LYPD6B: variants seen among roughly 807,000 people sequenced by gnomAD.
The protein encoded by LYPD6B is LY6/PLAUR domain containing 6B.
Under a neutral mutation model 22.8 loss-of-function variants are expected in LYPD6B, and 17 were observed. That is an observed-to-expected ratio of 0.75 (90% CI 0.51 to 1.12). The LOEUF (loss-of-function observed/expected upper bound fraction) is 1.12. Among genes scored for constraint, LYPD6B ranks in the 50% most tolerant of loss-of-function variants. The pLI, the probability that LYPD6B is intolerant of heterozygous loss-of-function variation, is 0.00. For missense variants in LYPD6B, 221 were observed against 258.3 expected, an observed-to-expected ratio of 0.86 and a Z score of 0.99; for synonymous variants, 106 against 91.6, an observed-to-expected ratio of 1.16 and a Z score of -0.90.
chr2:149,214,445 C>T, intron 6 of LYPD6B, 101 bp from the exon 7 acceptor site: 6 of 1,268,220 alleles, frequency 4.7e-6, no homozygotes, highest in Non-Finnish European at 3.3e-6. Context: ...AATTGTCTGT[C>T]TTCAGATAGA....
At chr2:149,213,203 A>C in intron 6 of LYPD6B, 81 bp downstream of exon 6, 1 of 1,547,500 alleles carries the variant, frequency 6.5e-7, no homozygotes, top group Non-Finnish European at 8.8e-7. Flanking sequence ...GGCAGGAAGG[A>C]TAGTAATATG....
intron 3 of LYPD6B, among the ~76,000 whole-genome samples, chr2:149,175,382 C>G (rs1691221117): frequency 6.6e-6 from 1 of 152,018 alleles, no homozygotes; most frequent in Non-Finnish European, 1.5e-5. Flanking sequence ...AAATGGTACA[C>G]CTGTATAGGG....
chr2:149,207,921 A>G (rs1693602141), intron 4 of LYPD6B, among the ~76,000 whole-genome samples: 1 of 152,152 alleles, frequency 6.6e-6, no homozygotes, highest in African/African-American at 2.4e-5. Flanking sequence ...GGAGAACAGA[A>G]TTCAAACTCA....
chr2:149,171,092 C>T (rs1690782754), intron 3 of LYPD6B, among the ~76,000 whole-genome samples: 1 of 152,120 alleles, frequency 6.6e-6, no homozygotes, highest in Admixed American at 6.5e-5. Flanking sequence ...TGAGATAGGA[C>T]CTGGTTGCAG....
At chr2:149,088,008 C>T (rs1396550273) in intron 1 of LYPD6B, among the ~76,000 whole-genome samples, 6 of 152,236 alleles carry the variant, frequency 3.9e-5, no homozygotes, top group African/African-American at 1.2e-4. Context: ...TTTCTGGTCC[C>T]TTTCAACTCC....
At chr2:149,164,081 G>A (rs554647890) in intron 3 of LYPD6B, among the ~76,000 whole-genome samples, 1 of 152,242 alleles carries the variant, frequency 6.6e-6, no homozygotes, top group East Asian at 1.9e-4. Context: ...TTGTGACAGA[G>A]TTTGTCTGGG....
At chr2:149,196,316 CTA>C (rs1453650584) in intron 3 of LYPD6B, among the ~76,000 whole-genome samples, 1 of 152,158 alleles carries the variant, frequency 6.6e-6, no homozygotes, top group Non-Finnish European at 1.5e-5. Context: ...GATTTTGTGA[CTA>C]TGCAAAAGTC....
intron 3 of LYPD6B, among the ~76,000 whole-genome samples, chr2:149,189,707 A>G (rs1380262815): frequency 4.6e-5 from 7 of 152,060 alleles, no homozygotes; most frequent in Admixed American, 4.6e-4. Context: ...GATCTTCCTT[A>G]CCTTCATTCT....
At chr2:149,205,597 G>T (rs997303880) in intron 4 of LYPD6B, among the ~76,000 whole-genome samples, 193 bp downstream of exon 4, 3 of 152,110 alleles carry the variant, frequency 2.0e-5, no homozygotes, top group African/African-American at 7.2e-5. Flanking sequence ...CCTTAAAATG[G>T]TCTGGCTTCC....
intron 1 of LYPD6B, among the ~76,000 whole-genome samples, chr2:149,124,348 A>G (rs1235325682): frequency 1.3e-5 from 2 of 152,316 alleles, no homozygotes; most frequent in African/African-American, 4.8e-5. Context: ...CATATAGCAG[A>G]TAATTGTTAT....
intron 1 of LYPD6B, among the ~76,000 whole-genome samples, chr2:149,087,372 G>C (rs1019374320): frequency 6.6e-6 from 1 of 151,998 alleles, no homozygotes; most frequent in Non-Finnish European, 1.5e-5. Context: ...AGATTTTTAC[G>C]TATGTAAAGG....
At chr2:149,185,542 A>G (rs975298563) in intron 3 of LYPD6B, among the ~76,000 whole-genome samples, 1 of 152,232 alleles carries the variant, frequency 6.6e-6, no homozygotes, top group Non-Finnish European at 1.5e-5. Context: ...AGGAATTCCA[A>G]TTGATTCTCC....
chr2:149,071,799 C>T (rs2105359157), intron 1 of LYPD6B, among the ~76,000 whole-genome samples: 1 of 152,268 alleles, frequency 6.6e-6, no homozygotes, highest in Admixed American at 6.5e-5. Context: ...CGAAGGAAAA[C>T]TTCAAGGACA....
At chr2:149,124,845 G>T (rs1025166848) in intron 1 of LYPD6B, among the ~76,000 whole-genome samples, 1 of 151,900 alleles carries the variant, frequency 6.6e-6, no homozygotes, top group Non-Finnish European at 1.5e-5. Context: ...CCCACCTCCC[G>T]CTCCCTGTAC....
chr2:149,083,261 A>G (rs755884959), intron 1 of LYPD6B, among the ~76,000 whole-genome samples: 3 of 152,106 alleles, frequency 2.0e-5, no homozygotes, highest in African/African-American at 7.2e-5. Flanking sequence ...ATAGCATTTC[A>G]CCCCTAAATA....
rs200286608 is a variant in LYPD6B, at chr2:149,205,405, G to A, written c.229+1G>A. On this transcript the variant is annotated splice_donor_variant, in intron 4 of 6. Transcript: ENST00000409642. LOFTEE classifies it high-confidence loss of function. The stretch of plus-strand genomic sequence containing the variant: ...TATAATGTGAGGCCTCCTCTCGACC[G>A]TAAGTAGTGGTGGTTGCCATCCTAG... The A allele has an allele frequency of 1.1e-5, 17 of 1,613,178 alleles. No homozygotes were observed. Among genetic ancestry groups the A allele is most frequent in the African/African-American group, 1.3e-5 (1 of 75,014 alleles).
intron 2 of LYPD6B, among the ~76,000 whole-genome samples, chr2:149,142,950 T>C (rs992080032): frequency 3.3e-5 from 5 of 152,236 alleles, no homozygotes; most frequent in South Asian, 2.1e-4. Context: ...TATAGATATA[T>C]GGAGAAGTTG....
chr2:149,083,381 C>G (rs1345975895), intron 1 of LYPD6B, among the ~76,000 whole-genome samples: 1 of 152,204 alleles, frequency 6.6e-6, no homozygotes, highest in African/African-American at 2.4e-5. Flanking sequence ...ATATCTAGCA[C>G]ATTTTCGAAT....
chr2:149,131,127 A>G (rs952636144), intron 2 of LYPD6B, 174 bp downstream of exon 2: 5 of 553,438 alleles, frequency 9.0e-6, no homozygotes, highest in African/African-American at 3.8e-5. Flanking sequence ...TGGTTTCAGT[A>G]TCTTCCCCTA....
Sources: gnomAD v4.1 joint callset for allele counts (sites outside exome capture counted in the v4.1 genomes callset) on GRCh38, gnomAD v4.1.1 for gene constraint, MANE v1.5 for transcripts, NCBI Gene and HGNC (gene_info 2026-07-23, HGNC 2026-07-21) for gene names.